Variants in UBE3A observed in about 807,000 individuals in gnomAD.
UBE3A encodes ubiquitin protein ligase E3A.
A neutral mutation model predicts 83.4 loss-of-function variants in UBE3A; 6 were observed. The observed-to-expected ratio is 0.07, with a 90% CI of 0.04 to 0.14. The LOEUF is 0.14. UBE3A is among the 10% of genes least tolerant of loss of function. The pLI is 1.00. For missense variants in UBE3A, 456 were observed against 1,036.1 expected (o/e 0.44, Z 7.69); for synonymous variants, 337 against 355.4 (o/e 0.95, Z 0.58).
chr15:25,380,453 G>T (rs1054116931), intron 4 of UBE3A, among the ~76,000 whole-genome samples: 2 of 152,134 alleles, frequency 1.3e-5, no homozygotes, highest in Non-Finnish European at 2.9e-5. Context: ...GCCCTCCAGT[G>T]ACCCTGCCAT....
intron 7 of UBE3A, 72 bp from the exon 8 acceptor site, chr15:25,356,968 A>C: frequency 7.8e-7 from 1 of 1,279,326 alleles, no homozygotes; most frequent in Non-Finnish European, 1.1e-6. Context: ...TACAAATATA[A>C]ACTTAAAATA....
intron 2 of UBE3A, among the ~76,000 whole-genome samples, chr15:25,410,624 C>T (rs773235966): frequency 2.6e-5 from 4 of 152,138 alleles, no homozygotes; most frequent in Non-Finnish European, 5.9e-5. Flanking sequence ...CGAATACCAA[C>T]GGTTAAAACA....
At chr15:25,342,765 G>A (rs1196025124) in intron 11 of UBE3A, among the ~76,000 whole-genome samples, 3 of 152,094 alleles carry the variant, frequency 2.0e-5, no homozygotes, top group South Asian at 2.1e-4. Context: ...TGGCTTGTGC[G>A]GAATCATACT....
intron 1 of UBE3A, among the ~76,000 whole-genome samples, chr15:25,436,373 G>A (rs2153192056): frequency 6.6e-6 from 1 of 152,282 alleles, no homozygotes; most frequent in Non-Finnish European, 1.5e-5. Flanking sequence ...AACAAAATAT[G>A]TGTAACATGA....
chr15:25,408,986 T>A (rs1193975992), intron 3 of UBE3A, 102 bp downstream of exon 3: 1 of 1,241,352 alleles, frequency 8.1e-7, no homozygotes, highest in African/African-American at 1.5e-5. Flanking sequence ...CCCACTATTC[T>A]TAGCAGTATT....
At position 25,337,941 on chromosome 15, in the gene UBE3A, AATT is replaced by A. The variant is rs1223932693; in HGVS notation, c.*1193_*1195del. 2 of 152,114 alleles carry A rather than the reference AATT, an allele frequency of 1.3e-5. No homozygotes were observed. Among genetic ancestry groups the A allele is most frequent in the African/African-American group, 4.8e-5 (2 of 41,446 alleles). 9.4% of individuals were successfully genotyped at this position (152,114 alleles called of 1,614,324 possible). ...AGTAACGTTTAACATGTTTTGAATTAATTAATTAAATTTAATCTGTGGGGCTAT... is the reference window on the plus strand; with the variant it reads ...AGTAACGTTTAACATGTTTTGAATTAAATTAAATTTAATCTGTGGGGCTAT... On this transcript the variant is annotated 3_prime_UTR_variant, in exon 13 of 13. Coordinates refer to ENST00000648336, the MANE Select transcript of UBE3A (RefSeq NM_130839.5).
chr15:25,367,191 ATATTTACATATTTGTAAAT>A (rs2079297743), intron 6 of UBE3A, among the ~76,000 whole-genome samples: 1 of 114,218 alleles, frequency 8.8e-6, no homozygotes, highest in Admixed American at 7.7e-5. Context: ...AAATATGTAA[ATATTTACATATTTGTAAAT>A]ATGTAAATAT....
chr15:25,362,294 G>A (rs1257492820), intron 6 of UBE3A, among the ~76,000 whole-genome samples: 6 of 152,110 alleles, frequency 3.9e-5, no homozygotes, highest in Non-Finnish European at 5.9e-5. Context: ...GTTCAACACC[G>A]ATCTCTAATA....
intron 12 of UBE3A, 29 bp from the exon 13 acceptor site, chr15:25,339,286 G>C: frequency 6.2e-7 from 1 of 1,608,144 alleles, no homozygotes; most frequent in Non-Finnish European, 8.5e-7. Context: ...AAAAAAACAG[G>C]AAAACTGTAA....
chr15:25,385,446 G>A (rs530986895), intron 4 of UBE3A, among the ~76,000 whole-genome samples: 1 of 152,098 alleles, frequency 6.6e-6, no homozygotes, highest in Admixed American at 6.5e-5. Context: ...CAGAAAATAA[G>A]TATTGGTGAA....
At chr15:25,433,909 T>A (rs734127) in intron 1 of UBE3A, among the ~76,000 whole-genome samples, 2 of 151,428 alleles carry the variant, frequency 1.3e-5, no homozygotes, top group African/African-American at 4.9e-5. Flanking sequence ...ACAAAAAAAT[T>A]AAAAAATAAA....
At chr15:25,421,876 C>T (rs948770785) in intron 1 of UBE3A, 23 of 152,138 alleles carry the variant, frequency 1.5e-4, no homozygotes, top group African/African-American at 5.3e-4. Context: ...GTAGTATAAT[C>T]ATCTGGAAAA....
At chr15:25,369,781 T>C (rs1186441944) in intron 6 of UBE3A, among the ~76,000 whole-genome samples, 1 of 152,118 alleles carries the variant, frequency 6.6e-6, no homozygotes, top group Non-Finnish European at 1.5e-5. Context: ...CTTAAACAGA[T>C]ACACTAAAAT....
chr15:25,390,176 ACACT>A (rs1480725686), intron 4 of UBE3A, among the ~76,000 whole-genome samples: 11 of 152,330 alleles, frequency 7.2e-5, no homozygotes, highest in South Asian at 4.1e-4. Context: ...AGCAAAAGAA[ACACT>A]CACTCATTGC....
chr15:25,383,497 C>T (rs1567007289), intron 4 of UBE3A, among the ~76,000 whole-genome samples: 1 of 151,890 alleles, frequency 6.6e-6, no homozygotes, highest in African/African-American at 2.4e-5. Context: ...ACTAATCGGG[C>T]ATGGTGGTGG....
chr15:25,391,044 T>G (rs1356412668), intron 4 of UBE3A, among the ~76,000 whole-genome samples: 1 of 152,170 alleles, frequency 6.6e-6, no homozygotes, highest in African/African-American at 2.4e-5. Context: ...AAAAAATATT[T>G]GTATACCCAT....
chr15:25,428,353 C>T (rs1253533474), intron 1 of UBE3A, among the ~76,000 whole-genome samples: 1 of 152,058 alleles, frequency 6.6e-6, no homozygotes, highest in African/African-American at 2.4e-5. Context: ...AAAAAATCCT[C>T]AACTATTAGC....
intron 4 of UBE3A, among the ~76,000 whole-genome samples, chr15:25,401,331 A>C (rs1232609870): frequency 1.3e-5 from 2 of 152,132 alleles, no homozygotes; most frequent in African/African-American, 4.8e-5. Context: ...ATGAGTTTGA[A>C]ATTACTCCCT....
chr15:25,413,983 C>A (rs1395217281), intron 1 of UBE3A, among the ~76,000 whole-genome samples: 1 of 152,128 alleles, frequency 6.6e-6, no homozygotes, highest in Non-Finnish European at 1.5e-5. Context: ...TTAACCTAAA[C>A]CAATTTTCTG....
Sources: gnomAD v4.1 joint callset for allele counts (sites outside exome capture counted in the v4.1 genomes callset) on GRCh38, gnomAD v4.1.1 for gene constraint, MANE v1.5 for transcripts, NCBI Gene and HGNC (gene_info 2026-07-23, HGNC 2026-07-21) for gene names.